Variants in NMU observed in about 807,000 individuals in gnomAD.
NMU encodes neuromedin U.
A neutral mutation model predicts 35.4 loss-of-function variants in NMU; 29 were observed. The ratio of observed to expected loss-of-function variants is 0.82; its 90% CI spans 0.61 to 1.12. The LOEUF (loss-of-function observed/expected upper bound fraction) is 1.12. Among genes scored for constraint, NMU ranks in the 50% most tolerant of loss-of-function variants. The pLI is 0.00. For missense variants in NMU, 199 were observed against 206.2 expected (o/e 0.97, Z 0.21); for synonymous variants, 78 against 81.3 (o/e 0.96, Z 0.22).
chr4:55,634,285 G>A (rs997074467), intron 1 of NMU, among the ~76,000 whole-genome samples: 3 of 152,064 alleles, frequency 2.0e-5, no homozygotes, highest in Non-Finnish European at 4.4e-5. Context: ...TTTTTAAAGA[G>A]ATAAAATTAG....
chr4:55,619,953 C>T lies in NMU; in HGVS notation c.172-3568G>A, dbSNP rs142027901. On this transcript the variant is annotated intron_variant, in intron 2 of 9. Transcript: ENST00000264218. ...ATTCCAACAGACCTGCAGCTGAGGG[C>T]CCTGTCTGTTAGAAGGAAAACTAAC... Among the ~76,000 whole-genome samples the T allele has an allele frequency of 2.7e-3, 389 of 144,924 alleles. 1 individual carries two copies. The highest frequency in any genetic ancestry group is 6.0e-3 in the African/African-American group (243 of 40,282).
chr4:55,634,510 G>C (rs1715798732), intron 1 of NMU, among the ~76,000 whole-genome samples: 1 of 152,160 alleles, frequency 6.6e-6, no homozygotes, highest in Non-Finnish European at 1.5e-5. Context: ...TACAGTTACT[G>C]TTCAATCAAC....
chr4:55,636,164 C>G lies in NMU; in HGVS notation c.29G>C (p.Arg10Thr). 1 of 1,512,004 alleles carries G rather than the reference C, an allele frequency of 6.6e-7. No individual in the cohort carries two copies. The highest frequency in any genetic ancestry group is 8.8e-7 in the Non-Finnish European group (1 of 1,137,448). The allele number at this position is 1,512,004 out of a possible 1,614,324, so 93.7% of individuals were successfully genotyped here. MLRTESCRP[R>T]SPAGQVAAAS... ...CGCGGCCACCTGTCCGGCGGGCGACCTGGGGCGGCAGCTCTCTGTTCGCAG... is the reference window on the plus strand; with the variant it reads ...CGCGGCCACCTGTCCGGCGGGCGACGTGGGGCGGCAGCTCTCTGTTCGCAG... Residue 10 changes from arginine (R) to threonine (T), a missense_variant, in exon 1 of 10, where the codon AGG (arginine) becomes ACG (threonine). Coordinates refer to ENST00000264218, the MANE Select transcript of NMU (RefSeq NM_006681.4). The surrounding 1 kb of genome is among the most constrained non-coding windows in gnomAD (Gnocchi z 4.0).
chr4:55,614,778 T>C (rs1287119048), intron 3 of NMU, among the ~76,000 whole-genome samples: 3 of 152,236 alleles, frequency 2.0e-5, no homozygotes, highest in African/African-American at 7.2e-5. Flanking sequence ...GAAGTGATTT[T>C]GAGGATGTTC....
In NMU at chr4:55,607,419, G is replaced by GATTTTCATACATCTA; in HGVS notation, c.309+17_309+18insTAGATGTATGAAAAT. ...CCTTATTATTTTATAAGGTATAGAT[G>GATTTTCATACATCTA]TATGAAAATCATCTTACCCTTTTAG... On this transcript the variant is annotated intron_variant, in intron 5 of 9. Transcript: ENST00000264218. The GATTTTCATACATCTA allele has an allele frequency of 2.5e-6, 3 of 1,178,798 alleles. No individual in the cohort carries two copies. The highest frequency in any genetic ancestry group is 3.8e-6 in the Non-Finnish European group (3 of 794,584). The allele number at this position is 1,178,798 out of a possible 1,614,324, so 73.0% of individuals were successfully genotyped here. A position where few individuals can be genotyped will look rare whatever the true frequency, so the allele number is the denominator to read the frequency against.
Position 55,636,180 on chromosome 4 carries a change from C to T in NMU, c.13G>A (p.Glu5Lys), listed in dbSNP as rs1715918897. 2 of 1,500,624 alleles carry T rather than the reference C, an allele frequency of 1.3e-6. No individual in the cohort carries two copies. The highest frequency in any genetic ancestry group is 1.3e-5 in the South Asian group (1 of 78,150). 93.0% of individuals were successfully genotyped at this position (1,500,624 alleles called of 1,614,324 possible). A position where few individuals can be genotyped will look rare whatever the true frequency, so the allele number is the denominator to read the frequency against. Reference protein sequence around the residue: MLRTESCRPRSPAGQ... With the variant: MLRTKSCRPRSPAGQ... ...GCGGGCGACCTGGGGCGGCAGCTCT[C>T]TGTTCGCAGCATCTCGGCGGCTGCG... Residue 5 changes from glutamate to lysine, a missense_variant, in exon 1 of 10, where the codon GAG (glutamate) becomes AAG (lysine). Physicochemically the swap from Glu to Lys is moderately conservative, Grantham distance 56. Coordinates refer to ENST00000264218, the MANE Select transcript of NMU (RefSeq NM_006681.4). The surrounding 1 kb of genome is among the most constrained non-coding windows in gnomAD (Gnocchi z 4.0).
In NMU at chr4:55,600,517, C is replaced by A. The variant is rs753686634; in HGVS notation, c.489+5G>T. The A allele has an allele frequency of 6.3e-7, 1 of 1,590,836 alleles. No homozygotes were observed. The highest frequency in any genetic ancestry group is 1.1e-5 in the South Asian group (1 of 90,456). ...TGATTTTTTAAAAATACAGTATGTACCTACCCTGAATAAAAAATATCCTCG... is the reference window on the plus strand; with the variant it reads ...TGATTTTTTAAAAATACAGTATGTAACTACCCTGAATAAAAAATATCCTCG... On this transcript the variant is annotated splice_donor_5th_base_variant and intron_variant, in intron 8 of 9. Coordinates refer to ENST00000264218, the MANE Select transcript of NMU (RefSeq NM_006681.4).
At chr4:55,626,237 A>G (rs1281505402) in intron 2 of NMU, among the ~76,000 whole-genome samples, 2 of 152,230 alleles carry the variant, frequency 1.3e-5, no homozygotes, top group African/African-American at 4.8e-5. Flanking sequence ...GTTACTAATG[A>G]ACATCTTTAT....
chr4:55,634,834 A>C (rs1038718619), intron 1 of NMU, among the ~76,000 whole-genome samples: 1 of 152,226 alleles, frequency 6.6e-6, no homozygotes, highest in African/African-American at 2.4e-5. Flanking sequence ...TGGATTTCAA[A>C]GCCAAGTTAT....
intron 1 of NMU, among the ~76,000 whole-genome samples, chr4:55,633,696 A>T (rs540586673): frequency 7.7e-4 from 118 of 152,368 alleles, no homozygotes; most frequent in African/African-American, 2.6e-3. Flanking sequence ...GATTATTCTA[A>T]AAGTAGCACC....
intron 2 of NMU, among the ~76,000 whole-genome samples, chr4:55,619,481 A>G (rs1002575662): frequency 1.5e-5 from 2 of 137,650 alleles, no homozygotes; most frequent in Admixed American, 1.5e-4. Flanking sequence ...GCGCACCACG[A>G]GACTATATCC....
chr4:55,601,042 A>C (rs1192184308), intron 7 of NMU, among the ~76,000 whole-genome samples: 1 of 152,156 alleles, frequency 6.6e-6, no homozygotes, highest in African/African-American at 2.4e-5. Flanking sequence ...GTAGTTTGAA[A>C]TTGAAGGACA....
chr4:55,625,243 A>G (rs922453498), intron 2 of NMU, among the ~76,000 whole-genome samples: 11 of 149,034 alleles, frequency 7.4e-5, no homozygotes, highest in Admixed American at 3.4e-4. Flanking sequence ...TAACTTCTTT[A>G]AATATATTTT....
intron 7 of NMU, among the ~76,000 whole-genome samples, chr4:55,604,679 A>ATT (rs767568542): frequency 0.16 from 7,582 of 46,922 alleles, 842 homozygotes; most frequent in South Asian, 0.28. Flanking sequence ...TGCCTGGCTA[A>ATT]TTTTTTTTTT....
In NMU at chr4:55,607,693, C is replaced by A. The variant is rs564395639; in HGVS notation, c.280-227G>T. Among the ~76,000 whole-genome samples the A allele has an allele frequency of 2.6e-5, 4 of 152,216 alleles. No homozygotes were observed. In the South Asian group the frequency reaches 8.3e-4, roughly 32 times the overall value. ...GATGTGCATAAAGATCTCTTTACTG[C>A]AACTTTATTCATAAGTGTAAAAAAT... On this transcript the variant is annotated intron_variant, in intron 4 of 9. Transcript: ENST00000264218.
At chr4:55,635,553 T>C (rs1025692111) in intron 1 of NMU, among the ~76,000 whole-genome samples, 2 of 152,148 alleles carry the variant, frequency 1.3e-5, no homozygotes, top group African/African-American at 4.8e-5. Flanking sequence ...GCGGTTAGCG[T>C]GGGGCCCGTT....
intron 2 of NMU, among the ~76,000 whole-genome samples, chr4:55,617,603 T>G (rs1378486487): frequency 2.0e-5 from 3 of 151,828 alleles, no homozygotes; most frequent in African/African-American, 7.3e-5. Context: ...ATCCTTTAAT[T>G]AAGTTGTATT....
chr4:55,634,791 GAGA>G (rs1338806376), intron 1 of NMU, among the ~76,000 whole-genome samples: 2 of 152,142 alleles, frequency 1.3e-5, no homozygotes, highest in Non-Finnish European at 2.9e-5. Flanking sequence ...TGGCTATGTG[GAGA>G]AGGTTTAGGT....
At chr4:55,614,330 G>A (rs900500116) in intron 3 of NMU, among the ~76,000 whole-genome samples, 1 of 151,756 alleles carries the variant, frequency 6.6e-6, no homozygotes, top group Non-Finnish European at 1.5e-5. Flanking sequence ...TATTTATATG[G>A]TTTTTAAACT....
Sources: gnomAD v4.1 joint callset for allele counts (sites outside exome capture counted in the v4.1 genomes callset) on GRCh38, gnomAD v4.1.1 for gene constraint, Gnocchi (gnomAD v3.1) non-coding constraint, MANE v1.5 for transcripts, NCBI Gene and HGNC (gene_info 2026-07-23, HGNC 2026-07-21) for gene names.